The following FRYL variants were observed in gnomAD, a reference collection of about 807,000 sequenced individuals.
The protein encoded by FRYL is FRY like transcription coactivator, also known as protein furry homolog-like.
A neutral mutation model predicts 351.2 loss-of-function variants in FRYL; 150 were observed. The ratio of observed to expected loss-of-function variants is 0.43; its 90% CI spans 0.37 to 0.49. The LOEUF is 0.49. FRYL is among the 20% of genes least tolerant of loss of function. The probability of loss-of-function intolerance (pLI) is 0.00; values close to 1 mark genes in which losing one functional copy is unlikely to be tolerated. For synonymous variants in FRYL, 1,153 were observed against 1,257.1 expected (o/e 0.92, Z 1.75); for missense variants, 3,036 against 3,619.3 (o/e 0.84, Z 4.13).
rs958472628 is a variant in FRYL, at chr4:48,497,788, T to C, written c.*1634A>G. 3 of 152,668 alleles carry C rather than the reference T, an allele frequency of 2.0e-5. No individual in the cohort carries two copies. Among genetic ancestry groups the C allele is most frequent in the African/African-American group, 7.2e-5 (3 of 41,458 alleles). 9.5% of individuals were successfully genotyped at this position (152,668 alleles called of 1,614,324 possible). On this transcript the variant is annotated 3_prime_UTR_variant, in exon 64 of 64. Coordinates refer to ENST00000358350, the MANE Select transcript of FRYL (RefSeq NM_015030.2). Reference sequence around the variant, plus strand: ...TCAGGGTCAAAAAATACAGTGATTATGAATGAGCTGTGACCAGTTACGAAA... The same window carrying C: ...TCAGGGTCAAAAAATACAGTGATTACGAATGAGCTGTGACCAGTTACGAAA...
At chr4:48,632,108 A>G (rs955357483) in intron 4 of FRYL, among the ~76,000 whole-genome samples, 141 of 64,358 alleles carry the variant, frequency 2.2e-3, no homozygotes, top group East Asian at 5.3e-3. Context: ...ATATATATAT[A>G]TATATATATA....
rs767634954 is a variant in FRYL at position 48,575,225 on chromosome 4, G to C, written c.2738C>G (p.Ser913Cys). 39 of 1,613,262 alleles carry C rather than the reference G, an allele frequency of 2.4e-5. No individual in the cohort carries two copies. In the Admixed American group the frequency reaches 6.3e-4, roughly 26 times the overall value. ...TATGTGCTTAAACAAGGATGAAGGG[G>C]ATGGGATGCCAATAATCTGGAAAAA... ...SIDSKIIGIPSPSSLFKHIVP... is the reference protein window; with the variant it reads ...SIDSKIIGIPCPSSLFKHIVP... The change falls in exon 25 of 64, where the codon TCC becomes TGC. Residue 913 changes from serine (S) to cysteine (C), a missense_variant. Ser to Cys is a moderately radical substitution (Grantham distance 112). Around this residue, in one of 7 missense-constraint regions of FRYL, gnomAD observed 492 missense variants for 551.5 expected, o/e 0.89. Transcript: ENST00000358350.
At position 48,602,130 on chromosome 4, in the gene FRYL, G is replaced by T; in HGVS notation, c.934-9C>A. ...ATTAGTGGATATAAAGCCTATAGGA[G>T]ACGGGGAAAAGACAGAATTAACATT... On this transcript the variant is annotated splice_polypyrimidine_tract_variant and intron_variant, in intron 12 of 63. Transcript: ENST00000358350. The T allele has an allele frequency of 7.2e-7, 1 of 1,383,562 alleles. No homozygotes were observed. The highest frequency in any genetic ancestry group is 1.0e-6 in the Non-Finnish European group (1 of 976,318). The allele number at this position is 1,383,562 out of a possible 1,614,324, so 85.7% of individuals were successfully genotyped here. A position where few individuals can be genotyped will look rare whatever the true frequency, so the allele number is the denominator to read the frequency against.
intron 12 of FRYL, 141 bp from the exon 13 acceptor site, chr4:48,602,262 C>G (rs1745865059): frequency 1.7e-6 from 1 of 580,340 alleles, no homozygotes; most frequent in African/African-American, 1.9e-5. Context: ...GAAATATAAT[C>G]TCATAGAATA....
Position 48,632,095 on chromosome 4 carries a change from T to A in FRYL, c.120+2196A>T, listed in dbSNP as rs866402962. Among the ~76,000 whole-genome samples, 65 of 13,388 alleles carry A rather than the reference T, an allele frequency of 4.9e-3. 3 individuals are homozygous for A. Among genetic ancestry groups the A allele is most frequent in the East Asian group, 0.012 (4 of 342 alleles). 8.8% of individuals were successfully genotyped at this position (13,388 alleles called of 152,430 possible). A position where few individuals can be genotyped will look rare whatever the true frequency, so the allele number is the denominator to read the frequency against. On this transcript the variant is annotated intron_variant, in intron 4 of 63. Transcript: ENST00000358350. ...AAAAAAAAAAAAAAAAAAAAAAATA[T>A]ATATATATATATATATATATATATA...
chr4:48,657,423 A>C (rs530307307), intron 3 of FRYL, among the ~76,000 whole-genome samples: 18 of 150,020 alleles, frequency 1.2e-4, no homozygotes, highest in African/African-American at 3.9e-4. Flanking sequence ...CTGTTTTTAA[A>C]TTACGCAAAG....
At position 48,500,034 on chromosome 4, in the gene FRYL, A is replaced by C. The variant is rs1374538908; in HGVS notation, c.8779T>G (p.Phe2927Val). ...TTAAATCCCGTCACGTTTTACCTGA[A>C]AGCTTTGACTTGTGCTACAGCTGAT... ...FISAVAQVKAFRSLWPSDIFG... is the reference protein window; with the variant it reads ...FISAVAQVKAVRSLWPSDIFG... The change falls in exon 63 of 64, where the codon TTC becomes GTC. Residue 2927 changes from phenylalanine to valine, a missense_variant. By Grantham distance (50) the Phe-to-Val change is conservative. Transcript: ENST00000358350. The C allele has an allele frequency of 6.3e-7, 1 of 1,576,668 alleles. No individual in the cohort carries two copies. The highest frequency in any genetic ancestry group is 2.3e-5 in the East Asian group (1 of 44,168).
At chr4:48,653,585 A>C in intron 3 of FRYL, 1 of 498,872 alleles carries the variant, frequency 2.0e-6, no homozygotes, top group Non-Finnish European at 3.2e-6. Context: ...ACCATTCAAG[A>C]AAATATTCTT....
chr4:48,733,972 T>TAA (rs969485393), intron 1 of FRYL, among the ~76,000 whole-genome samples: 3 of 151,718 alleles, frequency 2.0e-5, no homozygotes, highest in Admixed American at 6.6e-5. Context: ...ACAAAAGGCA[T>TAA]AAAAAGAGTA....
At chr4:48,651,287 CACTG>C (rs1757623994) in intron 3 of FRYL, among the ~76,000 whole-genome samples, 1 of 98,084 alleles carries the variant, frequency 1.0e-5, no homozygotes, top group African/African-American at 4.0e-5. Context: ...CTCAGGATCT[CACTG>C]TGTGTGTGTG....
chr4:48,611,424 T>G (rs1388659422), intron 7 of FRYL, among the ~76,000 whole-genome samples: 1 of 152,158 alleles, frequency 6.6e-6, no homozygotes, highest in Non-Finnish European at 1.5e-5. Flanking sequence ...TTCATGGATA[T>G]AGAACTCACA....
At chr4:48,633,633 T>A (rs972722758) in intron 4 of FRYL, among the ~76,000 whole-genome samples, 1 of 152,212 alleles carries the variant, frequency 6.6e-6, no homozygotes, top group Non-Finnish European at 1.5e-5. Context: ...TCTTTAACCC[T>A]TAACTTTCAT....
intron 2 of FRYL, among the ~76,000 whole-genome samples, chr4:48,707,945 C>T (rs1767553357): frequency 2.0e-5 from 3 of 151,664 alleles, no homozygotes; most frequent in African/African-American, 7.3e-5. Context: ...CTCAGCCTCC[C>T]CAGTAGCTCG....
intron 3 of FRYL, among the ~76,000 whole-genome samples, chr4:48,676,154 C>A (rs1433705333): frequency 1.3e-5 from 2 of 152,168 alleles, no homozygotes; most frequent in Admixed American, 1.3e-4. Flanking sequence ...AGAATAAAAG[C>A]AGGCTGCCCC....
At chr4:48,749,326 A>C (rs1773013064) in intron 1 of FRYL, among the ~76,000 whole-genome samples, 1 of 152,246 alleles carries the variant, frequency 6.6e-6, no homozygotes, top group Non-Finnish European at 1.5e-5. Flanking sequence ...GCTTGGATTC[A>C]GTTTAACCCA....
intron 18 of FRYL, 60 bp downstream of exon 18, chr4:48,589,685 C>A: frequency 6.5e-7 from 1 of 1,527,182 alleles, no homozygotes; most frequent in Non-Finnish European, 9.0e-7. Flanking sequence ...TAAGCAAGAA[C>A]CATCCACACT....
chr4:48,717,602 G>T lies in FRYL; in HGVS notation c.-383-6904C>A, dbSNP rs148662300. On this transcript the variant is annotated intron_variant, in intron 1 of 63. Coordinates refer to ENST00000358350, the MANE Select transcript of FRYL (RefSeq NM_015030.2). ...GTCACCTAGGCTGGAGTGCAATGAC[G>T]CAATTATAGCTCACTGCAGCCTCAA... Among the ~76,000 whole-genome samples the T allele has an allele frequency of 1.0e-3, 157 of 151,702 alleles. 1 individual carries two copies. Among genetic ancestry groups the T allele is most frequent in the African/African-American group, 3.5e-3 (146 of 41,448 alleles).
At chr4:48,620,933 G>A (rs1187934470) in intron 5 of FRYL, among the ~76,000 whole-genome samples, 155 bp from the exon 6 acceptor site, 1 of 152,196 alleles carries the variant, frequency 6.6e-6, no homozygotes, top group African/African-American at 2.4e-5. Flanking sequence ...GTTTAGCCAA[G>A]TAATAAAGTT....
intron 3 of FRYL, among the ~76,000 whole-genome samples, chr4:48,651,288 A>AGTGTGT (rs1757626181): frequency 2.3e-5 from 1 of 43,912 alleles, no homozygotes. Flanking sequence ...TCAGGATCTC[A>AGTGTGT]CTGTGTGTGT....
Sources: allele counts gnomAD v4.1 joint callset (sites outside exome capture counted in the v4.1 genomes callset), GRCh38; gene constraint gnomAD v4.1.1; regional missense constraint gnomAD v4.1.1; transcripts MANE v1.5; gene names NCBI Gene and HGNC (gene_info 2026-07-23, HGNC 2026-07-21).